The following PALD1 variants were observed in gnomAD, a reference collection of about 807,000 sequenced individuals.
PALD1 encodes phosphatase domain containing paladin 1.
In PALD1, 57 loss-of-function variants were observed where a neutral mutation model predicts 96.0. The observed-to-expected ratio is 0.59, with a 90% CI of 0.48 to 0.74. The LOEUF (loss-of-function observed/expected upper bound fraction) is 0.74. Ranked by LOEUF, PALD1 falls within the 30% of genes least tolerant of loss-of-function variation. The pLI is 0.00. For synonymous variants in PALD1, 464 were observed against 473.6 expected (o/e 0.98, Z 0.26); for missense variants, 1,063 against 1,143.7 (o/e 0.93, Z 1.02).
rs369891292 is a variant in PALD1, at chr10:70,533,089, C to T, written c.870+19C>T. 20 of 1,560,752 alleles carry T rather than the reference C, an allele frequency of 1.3e-5. No homozygotes were observed. The highest frequency in any genetic ancestry group is 3.8e-5 in the Admixed American group (2 of 52,708). ...TCTCCGGGTAACTGGGGCACGGGCG[C>T]GCATGGGGGAGGAGTCTTGAGAGTC... is the stretch of plus-strand genomic sequence containing the variant. On this transcript the variant is annotated intron_variant, in intron 7 of 19. Coordinates refer to ENST00000263563, the MANE Select transcript of PALD1 (RefSeq NM_014431.3).
chr10:70,489,828 C>A (rs996820342), intron 1 of PALD1, among the ~76,000 whole-genome samples: 1 of 152,184 alleles, frequency 6.6e-6, no homozygotes, highest in African/African-American at 2.4e-5. Flanking sequence ...ACCCCCAGCC[C>A]GCTAGCATGC....
intron 6 of PALD1, 70 bp from the exon 7 acceptor site, chr10:70,532,925 C>G (rs994680234): frequency 6.4e-5 from 97 of 1,517,842 alleles, no homozygotes; most frequent in Non-Finnish European, 7.7e-5. Context: ...AAACAGTGCC[C>G]GGGAATAGGG....
In PALD1 at chr10:70,534,202, C is replaced by T. The variant is rs1847058906; in HGVS notation, c.1022+129C>T. ...GAAATTTGGCATCTGGGGTTCATTT[C>T]CTGGTTTGCCACGAGACTTGCTGGG... On this transcript the variant is annotated intron_variant, in intron 8 of 19. Coordinates refer to ENST00000263563, the MANE Select transcript of PALD1 (RefSeq NM_014431.3). The T allele has an allele frequency of 1.3e-5, 15 of 1,145,920 alleles. No individual in the cohort carries two copies. The Admixed American group carries it at 4.0e-4, about 31-fold the overall frequency. The allele number at this position is 1,145,920 out of a possible 1,614,324, so 71.0% of individuals were successfully genotyped here. A position where few individuals can be genotyped will look rare whatever the true frequency, so the allele number is the denominator to read the frequency against.
At chr10:70,560,476 C>T (rs936760890) in intron 18 of PALD1, among the ~76,000 whole-genome samples, 2 of 152,186 alleles carry the variant, frequency 1.3e-5, no homozygotes, top group Non-Finnish European at 2.9e-5. Context: ...TGAACCTCAT[C>T]TGCAAAATGG....
At chr10:70,504,751 G>T (rs528183942) in intron 1 of PALD1, among the ~76,000 whole-genome samples, 1 of 152,300 alleles carries the variant, frequency 6.6e-6, no homozygotes, top group African/African-American at 2.4e-5. Context: ...TCAATCTATT[G>T]TGATACATTG....
chr10:70,517,635 C>G (rs1474012665), intron 1 of PALD1, among the ~76,000 whole-genome samples: 1 of 152,158 alleles, frequency 6.6e-6, no homozygotes, highest in Non-Finnish European at 1.5e-5. Flanking sequence ...AGCCACCATA[C>G]CTGGCCTAAG....
chr10:70,475,220 C>G (rs1200760318), upstream of PALD1, among the ~76,000 whole-genome samples: 4 of 152,190 alleles, frequency 2.6e-5, no homozygotes, highest in African/African-American at 9.7e-5. Context: ...CCAGGTCTGC[C>G]CTGCTTAAAG....
rs886694452 is a variant in PALD1 at position 70,531,366 on chromosome 10, C to G, written c.545C>G (p.Pro182Arg). 1 of 1,614,012 alleles carries G rather than the reference C, an allele frequency of 6.2e-7. No homozygotes were observed. Among genetic ancestry groups the G allele is most frequent in the Non-Finnish European group, 8.5e-7 (1 of 1,179,924 alleles). ...GATGAGGACTTTGTGTCCTACACAC[C>G]TCGAGACAAGCAGAACCTTCATGAG... ...RADEDFVSYT[P>R]RDKQNLHENL... Residue 182 changes from proline (P) to arginine (R), a missense_variant, in exon 5 of 20, where the codon CCT (proline) becomes CGT (arginine). Coordinates refer to ENST00000263563, the MANE Select transcript of PALD1 (RefSeq NM_014431.3).
chr10:70,526,790 T>G (rs1232821658), intron 2 of PALD1, among the ~76,000 whole-genome samples: 1 of 152,182 alleles, frequency 6.6e-6, no homozygotes, highest in African/African-American at 2.4e-5. Flanking sequence ...TCCTGGTGCG[T>G]TGAGAAGCCT....
At chr10:70,474,267 G>A (rs982107013), upstream of PALD1, among the ~76,000 whole-genome samples, 1 of 152,016 alleles carries the variant, frequency 6.6e-6, no homozygotes, top group African/African-American at 2.4e-5. Flanking sequence ...AATAGGATAA[G>A]ATAGATTAGA....
At chr10:70,506,719 C>G (rs1489355479) in intron 1 of PALD1, among the ~76,000 whole-genome samples, 1 of 152,174 alleles carries the variant, frequency 6.6e-6, no homozygotes, top group African/African-American at 2.4e-5. Context: ...ACTTGCCCCT[C>G]TGAGCAGCAG....
At chr10:70,496,016 A>G (rs1846189775) in intron 1 of PALD1, among the ~76,000 whole-genome samples, 2 of 151,900 alleles carry the variant, frequency 1.3e-5, no homozygotes, top group Non-Finnish European at 1.5e-5. Context: ...ATCTCAAACA[A>G]CAACAACAAC....
At chr10:70,462,446 T>C in the PALD1 span, among the ~76,000 whole-genome samples, 23 of 152,250 alleles carry the variant, frequency 1.5e-4, no homozygotes, top group Non-Finnish European at 3.1e-4. Flanking sequence ...TTTTTTCTGG[T>C]GCCTGGCATG....
intron 1 of PALD1, among the ~76,000 whole-genome samples, chr10:70,507,750 C>CGCGTGTGT (rs766888783): frequency 6.7e-6 from 1 of 148,644 alleles, no homozygotes; most frequent in African/African-American, 2.5e-5. Flanking sequence ...TTTGTGTGTG[C>CGCGTGTGT]GTGTGTGTGT....
chr10:70,538,001 C>G (rs944197127), intron 11 of PALD1, 95 bp downstream of exon 11: 14 of 982,318 alleles, frequency 1.4e-5, no homozygotes, highest in Admixed American at 2.0e-5. Flanking sequence ...GGGAGACCCC[C>G]CAAGGAACCG....
chr10:70,524,316 T>C (rs1031652930), intron 1 of PALD1, among the ~76,000 whole-genome samples: 1 of 152,184 alleles, frequency 6.6e-6, no homozygotes, highest in Non-Finnish European at 1.5e-5. Context: ...AGAAAGTTCC[T>C]TGAGCCTCTG....
intron 1 of PALD1, among the ~76,000 whole-genome samples, chr10:70,510,368 T>G (rs1042156291): frequency 6.6e-6 from 1 of 152,158 alleles, no homozygotes; most frequent in African/African-American, 2.4e-5. Context: ...GGGTGAGGTC[T>G]TAGGCCACTC....
At chr10:70,557,925 T>G (rs927496813) in intron 18 of PALD1, among the ~76,000 whole-genome samples, 9 of 125,590 alleles carry the variant, frequency 7.2e-5, no homozygotes, top group Non-Finnish European at 1.5e-4. Flanking sequence ...CCTTGTTGGC[T>G]CTTCCTTTTT....
intron 1 of PALD1, among the ~76,000 whole-genome samples, chr10:70,520,685 C>CTTTTTTTTTTTTTTTTTTTTTTTTTT (rs10545684): frequency 1.1e-5 from 1 of 87,684 alleles, no homozygotes; most frequent in Non-Finnish European, 2.2e-5. Context: ...TTCTTTCTTT[C>CTTTTTTTTTTTTTTTTTTTTTTTTTT]TTTTTTTTTT....
Sources: allele counts gnomAD v4.1 joint callset (sites outside exome capture counted in the v4.1 genomes callset), GRCh38; gene constraint gnomAD v4.1.1; transcripts MANE v1.5; gene names NCBI Gene and HGNC (gene_info 2026-07-23, HGNC 2026-07-21).